THSD4: variants seen among roughly 807,000 people sequenced by gnomAD.
THSD4 encodes the protein thrombospondin type-1 domain-containing protein 4.
THSD4 carries 69 observed loss-of-function variants against 119.0 expected under a neutral mutation model. The ratio of observed to expected loss-of-function variants is 0.58; its 90% CI spans 0.48 to 0.71. The LOEUF (loss-of-function observed/expected upper bound fraction) is 0.71, where lower values mean the gene tolerates loss of function less well. Ranked by LOEUF, THSD4 falls within the 30% of genes least tolerant of loss-of-function variation. The probability of loss-of-function intolerance (pLI) is 0.00; values close to 1 mark genes in which losing one functional copy is unlikely to be tolerated. For synonymous variants in THSD4, 524 were observed against 540.4 expected (o/e 0.97, Z 0.42); for missense variants, 1,393 against 1,391.1 (o/e 1.00, Z -0.02).
At chr15:71,200,952 T>C (rs1049042461) in intron 3 of THSD4, among the ~76,000 whole-genome samples, 2 of 152,198 alleles carry the variant, frequency 1.3e-5, no homozygotes, top group African/African-American at 4.8e-5. Flanking sequence ...TATATCCATG[T>C]GATGGTGGCT....
chr15:71,313,335 T>C (rs1486724186), intron 6 of THSD4, among the ~76,000 whole-genome samples: 1 of 152,236 alleles, frequency 6.6e-6, no homozygotes, highest in Non-Finnish European at 1.5e-5. Flanking sequence ...CAGTATTTCC[T>C]TACTCTCTGG....
At chr15:71,238,981 T>C (rs764784629) in intron 4 of THSD4, among the ~76,000 whole-genome samples, 26 of 152,244 alleles carry the variant, frequency 1.7e-4, no homozygotes, top group Non-Finnish European at 3.4e-4. Flanking sequence ...ATAGCCATCC[T>C]AGTGAACATG....
intron 7 of THSD4, among the ~76,000 whole-genome samples, chr15:71,629,628 C>G (rs940735724): frequency 6.6e-6 from 1 of 152,110 alleles, no homozygotes; most frequent in Non-Finnish European, 1.5e-5. Flanking sequence ...CTCAGGCCCC[C>G]TGGTTGTTCT....
Position 71,451,750 on chromosome 15 carries a change from G to GT in THSD4, c.1152+39928dup, listed in dbSNP as rs575823270. The stretch of plus-strand genomic sequence containing the variant: ...CCAGAGTTCCTCCCTCCTTCTCCAG[G>GT]TCCCTTCTCTTCCCCTTTCTCAGTC... On this transcript the variant is annotated intron_variant, in intron 7 of 17. Transcript: ENST00000261862. Among the ~76,000 whole-genome samples, 10 of 152,262 alleles carry GT rather than the reference G, an allele frequency of 6.6e-5. No homozygotes were observed. In the South Asian group the frequency reaches 2.1e-3, roughly 32 times the overall value.
intron 7 of THSD4, among the ~76,000 whole-genome samples, chr15:71,636,591 C>G (rs2050748980): frequency 6.6e-6 from 1 of 152,220 alleles, no homozygotes; most frequent in Non-Finnish European, 1.5e-5. Context: ...TCTCCTGTCA[C>G]TGGACTGAAG....
intron 2 of THSD4, among the ~76,000 whole-genome samples, chr15:71,151,010 A>C (rs1230739294): frequency 2.0e-5 from 3 of 152,144 alleles, no homozygotes; most frequent in African/African-American, 7.2e-5. Flanking sequence ...TTGGATAGAG[A>C]GAGAAATTTA....
At chr15:71,557,798 C>G (rs572653298) in intron 7 of THSD4, among the ~76,000 whole-genome samples, 1 of 152,264 alleles carries the variant, frequency 6.6e-6, no homozygotes, top group Non-Finnish European at 1.5e-5. Flanking sequence ...ACAGCATCTG[C>G]AGATCTCCAG....
At chr15:71,458,975 T>C (rs1214677135) in intron 7 of THSD4, among the ~76,000 whole-genome samples, 1 of 152,126 alleles carries the variant, frequency 6.6e-6, no homozygotes, top group Non-Finnish European at 1.5e-5. Context: ...CTTTGCTAGA[T>C]GCTCAGATGG....
At chr15:71,372,258 T>C (rs1158105492) in intron 6 of THSD4, among the ~76,000 whole-genome samples, 1 of 152,248 alleles carries the variant, frequency 6.6e-6, no homozygotes, top group Non-Finnish European at 1.5e-5. Flanking sequence ...TTTGATCGTC[T>C]GAAGCCTTCT....
chr15:71,142,158 C>G (rs981141467), intron 2 of THSD4, among the ~76,000 whole-genome samples: 3 of 152,214 alleles, frequency 2.0e-5, no homozygotes, highest in Non-Finnish European at 4.4e-5. Flanking sequence ...AAATGGTGCT[C>G]TCTCTTGTCC....
chr15:71,627,509 A>T (rs769042900), intron 7 of THSD4, among the ~76,000 whole-genome samples: 243 of 152,280 alleles, frequency 1.6e-3, no homozygotes, highest in Non-Finnish European at 2.7e-3. Context: ...AAGTAGGTTT[A>T]GCTTTTAGAA....
chr15:71,361,887 G>A (rs1324372387), intron 6 of THSD4, among the ~76,000 whole-genome samples: 1 of 152,176 alleles, frequency 6.6e-6, no homozygotes, highest in Admixed American at 6.5e-5. Flanking sequence ...CACCAAAAAT[G>A]TGTAAAAAGA....
intron 7 of THSD4, among the ~76,000 whole-genome samples, chr15:71,613,648 A>G (rs1273131379): frequency 2.6e-5 from 4 of 152,190 alleles, no homozygotes; most frequent in African/African-American, 9.7e-5. Flanking sequence ...TTCCTCTGCA[A>G]CTTATTTATG....
At chr15:71,130,083 G>C (rs2040489525) in intron 1 of THSD4, among the ~76,000 whole-genome samples, 2 of 152,156 alleles carry the variant, frequency 1.3e-5, no homozygotes, top group Admixed American at 1.3e-4. Flanking sequence ...CCTGGCAGGG[G>C]CCCAGGCTGC....
At chr15:71,618,421 G>A (rs186507245) in intron 7 of THSD4, among the ~76,000 whole-genome samples, 40 of 152,220 alleles carry the variant, frequency 2.6e-4, no homozygotes, top group Admixed American at 1.9e-3. Context: ...ACAACAGAGC[G>A]CAGAAAGCAA....
At chr15:71,377,695 A>G (rs748307865) in intron 6 of THSD4, among the ~76,000 whole-genome samples, 1 of 152,080 alleles carries the variant, frequency 6.6e-6, no homozygotes, top group Non-Finnish European at 1.5e-5. Context: ...CAGGGCAGCT[A>G]TTCGGGACCT....
At chr15:71,682,855 A>G (rs931254906) in intron 8 of THSD4, among the ~76,000 whole-genome samples, 1 of 108,926 alleles carries the variant, frequency 9.2e-6, no homozygotes, top group Non-Finnish European at 1.8e-5. Flanking sequence ...CTCTTTTGCT[A>G]CTTTCTTTCT....
chr15:71,262,597 G>C (rs1483811240), intron 6 of THSD4, among the ~76,000 whole-genome samples: 1 of 151,656 alleles, frequency 6.6e-6, no homozygotes, highest in Non-Finnish European at 1.5e-5. Context: ...CTAGGGGGCA[G>C]CTTTATGTTT....
chr15:71,602,993 C>T (rs1443612249), intron 7 of THSD4, among the ~76,000 whole-genome samples: 1 of 152,218 alleles, frequency 6.6e-6, no homozygotes, highest in Non-Finnish European at 1.5e-5. Context: ...CCAGGGCTTT[C>T]TGGCTCTAAA....
Sources: allele counts gnomAD v4.1 joint callset (sites outside exome capture counted in the v4.1 genomes callset), GRCh38; gene constraint gnomAD v4.1.1; transcripts MANE v1.5; gene names NCBI Gene and HGNC (gene_info 2026-07-23, HGNC 2026-07-21).